Variants in AGBL4 observed in about 807,000 individuals in gnomAD.
AGBL4 encodes the protein cytosolic carboxypeptidase 6.
In AGBL4, 58 loss-of-function variants were observed where a neutral mutation model predicts 66.4. The observed-to-expected ratio is 0.87, with a 90% CI of 0.71 to 1.09. The LOEUF is 1.09. Ranked by LOEUF, AGBL4 falls within the 50% of genes least tolerant of loss-of-function variation. The pLI is 0.00. For synonymous variants in AGBL4, 234 were observed against 222.9 expected, an observed-to-expected ratio of 1.05 and a Z score of -0.44; for missense variants, 579 against 631.0, an observed-to-expected ratio of 0.92 and a Z score of 0.88.
At chr1:48,804,677 G>A (rs1263788362) in intron 6 of AGBL4, among the ~76,000 whole-genome samples, 1 of 152,136 alleles carries the variant, frequency 6.6e-6, no homozygotes, top group Non-Finnish European at 1.5e-5. Context: ...TTCCTGGAGG[G>A]GTAGGGGCTC....
At chr1:49,327,527 TG>T (rs979864287) in intron 3 of AGBL4, among the ~76,000 whole-genome samples, 1 of 152,174 alleles carries the variant, frequency 6.6e-6, no homozygotes, top group African/African-American at 2.4e-5. Flanking sequence ...CCAACAAGAA[TG>T]GGGTTGGTGA....
chr1:49,037,845 G>C (rs1664788470), intron 5 of AGBL4, among the ~76,000 whole-genome samples: 1 of 151,966 alleles, frequency 6.6e-6, no homozygotes. Flanking sequence ...GGCAGAAGAT[G>C]CTCACTAGAT....
chr1:49,877,767 C>T (rs1429188682), intron 1 of AGBL4, among the ~76,000 whole-genome samples: 1 of 150,688 alleles, frequency 6.6e-6, no homozygotes, highest in Non-Finnish European at 1.5e-5. Flanking sequence ...TGGTAGAATT[C>T]GGCTGTGAAT....
chr1:49,313,592 T>A lies in AGBL4; in HGVS notation c.283-67728A>T, dbSNP rs189430523. Among the ~76,000 whole-genome samples, 340 of 152,324 alleles carry A rather than the reference T, an allele frequency of 2.2e-3. 4 individuals are homozygous for A. Among genetic ancestry groups the A allele is most frequent in the African/African-American group, 7.9e-3 (327 of 41,576 alleles). The stretch of plus-strand genomic sequence containing the variant: ...CTAACTGGCATGAGATAGTACCTCA[T>A]TGTGGTTTTGATTTGCATTTCTCTA... On this transcript the variant is annotated intron_variant, in intron 3 of 13. Transcript: ENST00000371839.
chr1:48,965,566 T>C (rs991641597), intron 5 of AGBL4, among the ~76,000 whole-genome samples: 1 of 152,164 alleles, frequency 6.6e-6, no homozygotes, highest in African/African-American at 2.4e-5. Flanking sequence ...AGCTGGATTT[T>C]TGGGCCACCC....
chr1:49,139,287 T>C (rs1646071679), intron 4 of AGBL4, among the ~76,000 whole-genome samples: 1 of 152,142 alleles, frequency 6.6e-6, no homozygotes, highest in Non-Finnish European at 1.5e-5. Flanking sequence ...AACCTCACAA[T>C]CACCTTGGAA....
At chr1:49,913,062 C>T (rs1388574798) in intron 1 of AGBL4, among the ~76,000 whole-genome samples, 1 of 152,208 alleles carries the variant, frequency 6.6e-6, no homozygotes, top group African/African-American at 2.4e-5. Flanking sequence ...CACCCCAAAT[C>T]TCATTTCCTT....
chr1:48,776,031 C>A (rs1182898268), intron 6 of AGBL4, among the ~76,000 whole-genome samples: 1 of 152,184 alleles, frequency 6.6e-6, no homozygotes, highest in Admixed American at 6.5e-5. Flanking sequence ...AGGTTCATGG[C>A]CTCCTCATCC....
intron 2 of AGBL4, among the ~76,000 whole-genome samples, chr1:49,837,901 C>G (rs530589657): frequency 9.2e-5 from 14 of 152,264 alleles, no homozygotes; most frequent in Admixed American, 9.2e-4. Context: ...ATGCCAACTA[C>G]TATAGCCCTG....
At chr1:49,255,137 T>C (rs886861223) in intron 3 of AGBL4, among the ~76,000 whole-genome samples, 1 of 151,996 alleles carries the variant, frequency 6.6e-6, no homozygotes, top group African/African-American at 2.4e-5. Flanking sequence ...CAAAAGCAAC[T>C]ACAACAAAAG....
In AGBL4 at chr1:49,381,601, G is replaced by T. The variant is rs554315284; in HGVS notation, c.283-135737C>A. On this transcript the variant is annotated intron_variant, in intron 3 of 13. Coordinates refer to ENST00000371839, the MANE Select transcript of AGBL4 (RefSeq NM_032785.4). Reference sequence around the variant, plus strand: ...GCAAAGACTTGGAACCAACCCAAATGTCTAACAGTATTAGACTGGATTAAG... The same window carrying T: ...GCAAAGACTTGGAACCAACCCAAATTTCTAACAGTATTAGACTGGATTAAG... Among the ~76,000 whole-genome samples the T allele has an allele frequency of 2.0e-5, 3 of 152,192 alleles. No homozygotes were observed. In the East Asian group the frequency reaches 5.8e-4, roughly 29 times the overall value.
chr1:48,869,384 C>T (rs1169539853), intron 5 of AGBL4, among the ~76,000 whole-genome samples: 1 of 152,208 alleles, frequency 6.6e-6, no homozygotes, highest in African/African-American at 2.4e-5. Flanking sequence ...CAAGGTCAAC[C>T]TATGTGGCTT....
intron 1 of AGBL4, among the ~76,000 whole-genome samples, chr1:49,932,440 TCAGA>T (rs1161914886): frequency 6.6e-6 from 1 of 152,088 alleles, no homozygotes; most frequent in Non-Finnish European, 1.5e-5. Flanking sequence ...TTTGTAACCT[TCAGA>T]CAGACAAACT....
intron 11 of AGBL4, among the ~76,000 whole-genome samples, chr1:48,576,174 T>G (rs1644650802): frequency 6.6e-6 from 1 of 152,098 alleles, no homozygotes. Flanking sequence ...TGACCTGAGC[T>G]CCTCCTCCTG....
chr1:48,960,542 C>T (rs1657883155), intron 5 of AGBL4, among the ~76,000 whole-genome samples: 1 of 152,104 alleles, frequency 6.6e-6, no homozygotes, highest in East Asian at 1.9e-4. Context: ...AAAGAACAAG[C>T]TCTGGTGTAT....
chr1:49,183,410 C>T (rs1646962553), intron 4 of AGBL4, among the ~76,000 whole-genome samples: 1 of 152,122 alleles, frequency 6.6e-6, no homozygotes, highest in Non-Finnish European at 1.5e-5. Context: ...AGCAATTGGT[C>T]TCTTCATTGC....
At chr1:49,630,365 T>C (rs952270537) in intron 3 of AGBL4, among the ~76,000 whole-genome samples, 6 of 152,178 alleles carry the variant, frequency 3.9e-5, no homozygotes, top group African/African-American at 1.4e-4. Context: ...TTGTGGCACA[T>C]AGTCTTCTGG....
intron 3 of AGBL4, among the ~76,000 whole-genome samples, chr1:49,496,585 A>AT (rs960640037): frequency 5.0e-5 from 7 of 140,066 alleles, no homozygotes; most frequent in African/African-American, 1.8e-4. Flanking sequence ...TATGAGTTGA[A>AT]TTTTTTTTAG....
chr1:49,087,581 T>C (rs1644930612), intron 4 of AGBL4, among the ~76,000 whole-genome samples: 2 of 152,082 alleles, frequency 1.3e-5, no homozygotes, highest in Admixed American at 1.3e-4. Context: ...TAGAAATATA[T>C]GATTACATAA....
Sources: allele counts gnomAD v4.1 joint callset (sites outside exome capture counted in the v4.1 genomes callset), GRCh38; gene constraint gnomAD v4.1.1; transcripts MANE v1.5; gene names NCBI Gene and HGNC (gene_info 2026-07-23, HGNC 2026-07-21).